The following PAIP2B variants were observed in gnomAD, a reference collection of about 807,000 sequenced individuals.
PAIP2B encodes the protein polyadenylate-binding protein-interacting protein 2B.
Under a neutral mutation model 17.0 loss-of-function variants are expected in PAIP2B, and 13 were observed. That is an observed-to-expected ratio of 0.76 (90% CI 0.50 to 1.22). The LOEUF (loss-of-function observed/expected upper bound fraction) is 1.22, where lower values mean the gene tolerates loss of function less well. PAIP2B is among the 50% of genes most tolerant of loss of function. The pLI, the probability that PAIP2B is intolerant of heterozygous loss-of-function variation, is 0.00. For synonymous variants in PAIP2B, 43 were observed against 48.7 expected, an observed-to-expected ratio of 0.88 and a Z score of 0.48; for missense variants, 117 against 144.5, an observed-to-expected ratio of 0.81 and a Z score of 0.98.
chr2:71,208,432 A>C (rs1473710809), intron 1 of PAIP2B, among the ~76,000 whole-genome samples: 1 of 147,996 alleles, frequency 6.8e-6, no homozygotes, highest in East Asian at 2.6e-4. Flanking sequence ...CACCCCCCCA[A>C]AAAAAAAAGT....
intron 2 of PAIP2B, among the ~76,000 whole-genome samples, chr2:71,197,321 T>C (rs986568798): frequency 1.3e-5 from 2 of 152,222 alleles, no homozygotes; most frequent in African/African-American, 2.4e-5. Flanking sequence ...TTTTTTACTC[T>C]AAGAATGTTA....
chr2:71,201,017 GT>G (rs1553447392), intron 2 of PAIP2B, among the ~76,000 whole-genome samples: 2 of 13,510 alleles, frequency 1.5e-4, no homozygotes, highest in African/African-American at 3.6e-4. Flanking sequence ...GGGTGTGTGT[GT>G]GTGTGTGTGT....
At position 71,184,612 on chromosome 2, in the gene PAIP2B, A is replaced by G. The variant is rs1371667304; in HGVS notation, c.*3867T>C. 6.6e-6 allele frequency: 1 copy of G among 152,258 alleles called. No homozygotes were observed. Among genetic ancestry groups the G allele is most frequent in the Non-Finnish European group, 1.5e-5 (1 of 68,056 alleles). The allele number at this position is 152,258 out of a possible 1,614,324, so 9.4% of individuals were successfully genotyped here. On this transcript the variant is annotated 3_prime_UTR_variant, in exon 4 of 4. Transcript: ENST00000244221. Reference sequence around the variant, plus strand: ...AGTCTGTGTAGGAAATTCACAAGGCAGCAGAGCAGAGGCTGCAGAGGTGCT... The same window carrying G: ...AGTCTGTGTAGGAAATTCACAAGGCGGCAGAGCAGAGGCTGCAGAGGTGCT...
At chr2:71,222,773 A>G (rs888248159) in intron 1 of PAIP2B, among the ~76,000 whole-genome samples, 2 of 152,252 alleles carry the variant, frequency 1.3e-5, no homozygotes, top group Non-Finnish European at 2.9e-5. Context: ...TAGCAGAACC[A>G]GAATTCAAAG....
chr2:71,215,577 A>G (rs978835432), intron 1 of PAIP2B, among the ~76,000 whole-genome samples: 1 of 152,216 alleles, frequency 6.6e-6, no homozygotes, highest in Admixed American at 6.5e-5. Context: ...TGTTTGTAAT[A>G]CTAGTTATTC....
rs1482641714 is a variant in PAIP2B at position 71,187,001 on chromosome 2, T to TA, written c.*1477dup. 2 of 152,230 alleles carry TA rather than the reference T, an allele frequency of 1.3e-5. No homozygotes were observed. The highest frequency in any genetic ancestry group is 2.9e-5 in the Non-Finnish European group (2 of 68,070). The allele number at this position is 152,230 out of a possible 1,614,324, so 9.4% of individuals were successfully genotyped here. A position where few individuals can be genotyped will look rare whatever the true frequency, so the allele number is the denominator to read the frequency against. On this transcript the variant is annotated 3_prime_UTR_variant, in exon 4 of 4. Coordinates refer to ENST00000244221, the MANE Select transcript of PAIP2B (RefSeq NM_020459.1). ...GTCCCACAGCCACATACTGAATTTA[T>TA]ACCAACTTTGTTTCAAGTTACATAT...
chr2:71,223,271 G>A (rs1488278809), intron 1 of PAIP2B, among the ~76,000 whole-genome samples: 1 of 152,010 alleles, frequency 6.6e-6, no homozygotes, highest in Non-Finnish European at 1.5e-5. Context: ...AAATTCGTTG[G>A]GTGTGGTGGT....
Position 71,189,926 on chromosome 2 carries a change from G to C in PAIP2B, c.234C>G (p.Asp78Glu), listed in dbSNP as rs781505031. ...EDQDWFIPSR[D>E]LPQAMGQLQQ... is the part of the protein sequence containing the mutation. ...GCAACTGTCCCATGGCCTGAGGCAG[G>C]TCTCGTGAGGGAATAAACCAGTCTT... Residue 78 changes from aspartate (D) to glutamate (E), a missense_variant, in exon 3 of 4, where the codon GAC becomes GAG. Asp to Glu is a conservative substitution (Grantham distance 45). Coordinates refer to ENST00000244221, the MANE Select transcript of PAIP2B (RefSeq NM_020459.1). 6.2e-7 allele frequency: 1 copy of C among 1,601,596 alleles called. No homozygotes were observed. Among genetic ancestry groups the C allele is most frequent in the Non-Finnish European group, 8.5e-7 (1 of 1,174,028 alleles).
At chr2:71,203,774 T>C (rs982271667) in intron 1 of PAIP2B, among the ~76,000 whole-genome samples, 2 of 151,912 alleles carry the variant, frequency 1.3e-5, no homozygotes, top group Middle Eastern at 3.4e-3. Flanking sequence ...AAAATAAATA[T>C]GTTATTCATT....
chr2:71,187,839 C>T lies in PAIP2B; in HGVS notation c.*640G>A, dbSNP rs1446377957. On this transcript the variant is annotated 3_prime_UTR_variant, in exon 4 of 4. Transcript: ENST00000244221. Reference sequence around the variant, plus strand: ...GTGACAACCACCATCACAGCCCTACCTTCTGATTTACAACTTTCAACAATC... The same window carrying T: ...GTGACAACCACCATCACAGCCCTACTTTCTGATTTACAACTTTCAACAATC... 7 of 152,932 alleles carry T rather than the reference C, an allele frequency of 4.6e-5. No homozygotes were observed. The East Asian group carries it at 1.3e-3, about 29-fold the overall frequency. 9.5% of individuals were successfully genotyped at this position (152,932 alleles called of 1,614,324 possible).
In PAIP2B at chr2:71,184,585, C is replaced by T. The variant is rs1369677697; in HGVS notation, c.*3894G>A. The T allele has an allele frequency of 6.6e-6, 1 of 152,126 alleles. No homozygotes were observed. Among genetic ancestry groups the T allele is most frequent in the Non-Finnish European group, 1.5e-5 (1 of 68,036 alleles). The allele number at this position is 152,126 out of a possible 1,614,324, so 9.4% of individuals were successfully genotyped here. A position where few individuals can be genotyped will look rare whatever the true frequency, so the allele number is the denominator to read the frequency against. On this transcript the variant is annotated 3_prime_UTR_variant, in exon 4 of 4. Coordinates refer to ENST00000244221, the MANE Select transcript of PAIP2B (RefSeq NM_020459.1). ...AAACTGTTTCCAAATTGTAACTAACCAAGTCTGTGTAGGAAATTCACAAGG... is the reference window on the plus strand; with the variant it reads ...AAACTGTTTCCAAATTGTAACTAACTAAGTCTGTGTAGGAAATTCACAAGG...
At chr2:71,220,232 C>T (rs1675547844) in intron 1 of PAIP2B, among the ~76,000 whole-genome samples, 1 of 152,182 alleles carries the variant, frequency 6.6e-6, no homozygotes. Context: ...GAAATATTAG[C>T]CCCTTTTTCA....
rs1435884582 is a variant in PAIP2B, at chr2:71,184,741, A to T, written c.*3738T>A. On this transcript the variant is annotated 3_prime_UTR_variant, in exon 4 of 4. Coordinates refer to ENST00000244221, the MANE Select transcript of PAIP2B (RefSeq NM_020459.1). ...AGAAGGACATCAAGGCCCCCACTAC[A>T]CACCAAATTAGAGTCAATCCTCCTG... 6.6e-6 allele frequency: 1 copy of T among 152,160 alleles called. No homozygotes were observed. The highest frequency in any genetic ancestry group is 1.5e-5 in the Non-Finnish European group (1 of 68,052). The allele number at this position is 152,160 out of a possible 1,614,324, so 9.4% of individuals were successfully genotyped here. A position where few individuals can be genotyped will look rare whatever the true frequency, so the allele number is the denominator to read the frequency against.
At chr2:71,200,120 A>G (rs1311484795) in intron 2 of PAIP2B, among the ~76,000 whole-genome samples, 1 of 152,048 alleles carries the variant, frequency 6.6e-6, no homozygotes, top group Non-Finnish European at 1.5e-5. Flanking sequence ...ATCTTATTCT[A>G]TGTTTTGTTA....
At chr2:71,200,011 T>G (rs1414573525) in intron 2 of PAIP2B, among the ~76,000 whole-genome samples, 4 of 152,232 alleles carry the variant, frequency 2.6e-5, no homozygotes, top group Admixed American at 6.5e-5. Context: ...CCCCCAAAAC[T>G]ACATTTCAAT....
intron 2 of PAIP2B, among the ~76,000 whole-genome samples, chr2:71,192,307 C>A (rs965610377): frequency 6.7e-6 from 1 of 149,602 alleles, no homozygotes; most frequent in Non-Finnish European, 1.5e-5. Flanking sequence ...GGCAACCTTG[C>A]ATCAAGCAAG....
At chr2:71,199,969 C>T (rs147416268) in intron 2 of PAIP2B, among the ~76,000 whole-genome samples, 1 of 152,144 alleles carries the variant, frequency 6.6e-6, no homozygotes, top group African/African-American at 2.4e-5. Context: ...AAATAAAAGT[C>T]CCACTACTTT....
intron 1 of PAIP2B, among the ~76,000 whole-genome samples, chr2:71,207,288 GGGA>G (rs1361324651): frequency 4.6e-5 from 7 of 152,132 alleles, no homozygotes; most frequent in African/African-American, 1.7e-4. Context: ...ACTAGCAATA[GGGA>G]GGAGAGAGAA....
At chr2:71,226,836 C>G (rs1675745580) in intron 1 of PAIP2B, 92 bp downstream of exon 1, 1 of 152,318 alleles carries the variant, frequency 6.6e-6, no homozygotes, top group African/African-American at 2.4e-5. Context: ...GCCCCGACGG[C>G]GGCAGAAAGG....
Sources: allele counts gnomAD v4.1 joint callset (sites outside exome capture counted in the v4.1 genomes callset), GRCh38; gene constraint gnomAD v4.1.1; transcripts MANE v1.5; gene names NCBI Gene and HGNC (gene_info 2026-07-23, HGNC 2026-07-21).